Variants in KCNIP4 observed in about 807,000 individuals in gnomAD.
The protein encoded by KCNIP4 is Kv channel-interacting protein 4.
Under a neutral mutation model 34.0 loss-of-function variants are expected in KCNIP4, and 12 were observed. The observed-to-expected ratio is 0.35, with a 90% CI of 0.23 to 0.57. KCNIP4 has a LOEUF of 0.57. Ranked by LOEUF, KCNIP4 falls within the 20% of genes least tolerant of loss-of-function variation. The pLI, the probability that KCNIP4 is intolerant of heterozygous loss-of-function variation, is 0.83. For missense variants in KCNIP4, 238 were observed against 311.7 expected (o/e 0.76, Z 1.78); for synonymous variants, 124 against 102.2 (o/e 1.21, Z -1.29).
chr4:20,862,374 A>G (rs1423532177), intron 2 of KCNIP4, among the ~76,000 whole-genome samples: 1 of 152,162 alleles, frequency 6.6e-6, no homozygotes, highest in African/African-American at 2.4e-5. Context: ...CATTATGCTC[A>G]GACAGAAAAT....
intron 1 of KCNIP4, among the ~76,000 whole-genome samples, chr4:21,158,535 T>C (rs980644008): frequency 1.3e-5 from 2 of 152,024 alleles, no homozygotes; most frequent in Non-Finnish European, 2.9e-5. Context: ...ATTAACAAAC[T>C]AAAAAAGTGA....
At chr4:21,081,365 A>T (rs28679482) in intron 1 of KCNIP4, among the ~76,000 whole-genome samples, 3,588 of 151,718 alleles carry the variant, frequency 0.024, 187 homozygotes, top group African/African-American at 0.081. Flanking sequence ...TTATGCCCAT[A>T]TTTTTTTGAT....
chr4:21,713,557 T>C (rs538191007), intron 1 of KCNIP4, among the ~76,000 whole-genome samples: 1 of 152,366 alleles, frequency 6.6e-6, no homozygotes, highest in African/African-American at 2.4e-5. Context: ...AGTCAGAATG[T>C]TAAGGTTGTC....
rs1553932826 is a variant in KCNIP4 at position 21,798,584 on chromosome 4, A to AAGAAAGAAAGAAAG, written c.61+149986_61+149987insCTTTCTTTCTTTCT. ...AGAAAAAGAAAGAAAGAAAGAAAGA[A>AAGAAAGAAAGAAAG]AGAGAAAAAATGCAAAGAGCCACTC... On this transcript the variant is annotated intron_variant, in intron 1 of 8. Coordinates refer to ENST00000382152, the MANE Select transcript of KCNIP4 (RefSeq NM_025221.6). Among the ~76,000 whole-genome samples the AAGAAAGAAAGAAAG allele has an allele frequency of 5.6e-5, 8 of 142,540 alleles. No individual in the cohort carries two copies. In the South Asian group the frequency reaches 6.4e-4, roughly 11 times the overall value. 93.5% of individuals were successfully genotyped at this position (142,540 alleles called of 152,430 possible).
chr4:21,541,307 T>C (rs1175457753), intron 1 of KCNIP4, among the ~76,000 whole-genome samples: 2 of 152,034 alleles, frequency 1.3e-5, no homozygotes, highest in African/African-American at 4.8e-5. Flanking sequence ...ATTCCCAACT[T>C]GTTCTTTGAT....
At chr4:21,518,309 G>T (rs577842395) in intron 1 of KCNIP4, among the ~76,000 whole-genome samples, 12 of 152,276 alleles carry the variant, frequency 7.9e-5, no homozygotes, top group African/African-American at 2.4e-4. Flanking sequence ...GCAGGAAATT[G>T]CTTTCTTCCC....
At chr4:20,757,706 C>T (rs547937339) in intron 4 of KCNIP4, among the ~76,000 whole-genome samples, 11 of 152,170 alleles carry the variant, frequency 7.2e-5, no homozygotes, top group African/African-American at 2.4e-4. Context: ...AATGGGAGAG[C>T]GAAAGACTAT....
intron 1 of KCNIP4, among the ~76,000 whole-genome samples, chr4:21,171,255 C>T (rs897352651): frequency 2.6e-5 from 4 of 152,250 alleles, no homozygotes; most frequent in Admixed American, 2.6e-4. Context: ...AACCAGTGGG[C>T]AACTGTCAAC....
chr4:21,271,271 G>GTGTTATGATCAGACAC (rs1762130354), intron 1 of KCNIP4, among the ~76,000 whole-genome samples: 1 of 152,164 alleles, frequency 6.6e-6, no homozygotes, highest in Non-Finnish European at 1.5e-5. Context: ...TTCTGTAACA[G>GTGTTATGATCAGACAC]TGTCTGACAG....
At chr4:20,881,285 C>T (rs549762201) in intron 2 of KCNIP4, among the ~76,000 whole-genome samples, 3 of 152,236 alleles carry the variant, frequency 2.0e-5, no homozygotes, top group Admixed American at 6.5e-5. Flanking sequence ...CATATTTTCT[C>T]ATTTGTGTTG....
At chr4:21,816,835 T>C (rs1479468586) in intron 1 of KCNIP4, among the ~76,000 whole-genome samples, 1 of 152,134 alleles carries the variant, frequency 6.6e-6, no homozygotes, top group Non-Finnish European at 1.5e-5. Flanking sequence ...TTTCTTGGGT[T>C]CGGATCTTGG....
intron 1 of KCNIP4, among the ~76,000 whole-genome samples, chr4:21,317,743 G>A (rs1713936056): frequency 1.3e-5 from 2 of 152,090 alleles, no homozygotes; most frequent in East Asian, 1.9e-4. Context: ...GGAGGGACCC[G>A]GTGGGAGGTA....
chr4:21,691,594 GTTTC>G (rs1711638015), intron 1 of KCNIP4, among the ~76,000 whole-genome samples: 1 of 150,626 alleles, frequency 6.6e-6, no homozygotes, highest in African/African-American at 2.4e-5. Flanking sequence ...AAACTTAAAC[GTTTC>G]TTTAAGTACT....
At chr4:21,211,627 C>G (rs1432712631) in intron 1 of KCNIP4, among the ~76,000 whole-genome samples, 3 of 152,084 alleles carry the variant, frequency 2.0e-5, no homozygotes, top group African/African-American at 7.2e-5. Context: ...AGATTGGGAA[C>G]TGCTGCCCTA....
chr4:21,922,975 T>G (rs1729016416), intron 1 of KCNIP4, among the ~76,000 whole-genome samples: 1 of 152,238 alleles, frequency 6.6e-6, no homozygotes, highest in African/African-American at 2.4e-5. Flanking sequence ...TGCTTCCAAG[T>G]ATCTTATGTG....
At chr4:20,871,701 A>G (rs1001042761) in intron 2 of KCNIP4, among the ~76,000 whole-genome samples, 6 of 152,130 alleles carry the variant, frequency 3.9e-5, no homozygotes, top group Admixed American at 2.0e-4. Context: ...CATGGTCTTT[A>G]CATATTCTTC....
intron 1 of KCNIP4, among the ~76,000 whole-genome samples, chr4:21,245,743 C>CCCAGGTGA (rs1760151826): frequency 6.6e-6 from 1 of 151,934 alleles, no homozygotes; most frequent in African/African-American, 2.4e-5. Flanking sequence ...GGCAGACAGA[C>CCCAGGTGA]CCAGGTGACC....
chr4:21,459,059 CATCATCATCATT>C lies in KCNIP4; in HGVS notation c.61+489500_61+489511del, dbSNP rs369072805. 6.2e-3 allele frequency among the ~76,000 whole-genome samples: 938 copies of C among 152,010 alleles called. 3 individuals are homozygous for C. Among genetic ancestry groups the C allele is most frequent in the African/African-American group, 0.022 (896 of 41,462 alleles). ...TATAAAAACAGCATTATCTTTTAAC[CATCATCATCATT>C]ATCATCATCAAAACCTCACTTTTCT... On this transcript the variant is annotated intron_variant, in intron 1 of 8. Transcript: ENST00000382152.
At chr4:20,821,882 C>A (rs527675962) in intron 3 of KCNIP4, among the ~76,000 whole-genome samples, 9 of 150,592 alleles carry the variant, frequency 6.0e-5, no homozygotes, top group Non-Finnish European at 1.0e-4. Context: ...ATCTATGTAT[C>A]TCTCTCTCTC....
Sources: allele counts gnomAD v4.1 joint callset (sites outside exome capture counted in the v4.1 genomes callset), GRCh38; gene constraint gnomAD v4.1.1; transcripts MANE v1.5; gene names NCBI Gene and HGNC (gene_info 2026-07-23, HGNC 2026-07-21).